ANKHD1: variants seen among roughly 807,000 people sequenced by gnomAD.
ANKHD1 encodes the protein ankyrin repeat and KH domain-containing protein 1.
ANKHD1 carries 31 observed loss-of-function variants against 230.5 expected under a neutral mutation model. The ratio of observed to expected loss-of-function variants is 0.13; its 90% CI spans 0.10 to 0.18. The LOEUF (loss-of-function observed/expected upper bound fraction) is 0.18. Among genes scored for constraint, ANKHD1 ranks in the 10% least tolerant of loss-of-function variants. The pLI is 1.00. For missense variants in ANKHD1, 2,256 were observed against 3,071.3 expected (o/e 0.73, Z 6.27); for synonymous variants, 1,074 against 1,117.6 (o/e 0.96, Z 0.78).
At chr5:140,535,208 G>A (rs1317033087) in intron 29 of ANKHD1, among the ~76,000 whole-genome samples, 154 bp from the exon 30 acceptor site, 1 of 152,288 alleles carries the variant, frequency 6.6e-6, no homozygotes, top group Middle Eastern at 3.4e-3. Flanking sequence ...TAGATGGATT[G>A]TTTTTGCTGT....
In ANKHD1 at chr5:140,508,095, A is replaced by G. The variant is rs1752611581; in HGVS notation, c.3765+97A>G. On this transcript the variant is annotated intron_variant, in intron 20 of 33. Coordinates refer to ENST00000360839, the MANE Select transcript of ANKHD1 (RefSeq NM_017747.3). ...TGAATATAATATTTTAAATTATCAT[A>G]AATTAAAACTGATACCAATGCAGAG... 2.8e-6 allele frequency: 4 copies of G among 1,417,778 alleles called. No individual in the cohort carries two copies. In the Admixed American group the frequency reaches 1.1e-4, roughly 37 times the overall value. 87.8% of individuals were successfully genotyped at this position (1,417,778 alleles called of 1,614,324 possible).
Position 140,528,443 on chromosome 5 carries a change from A to G in ANKHD1, c.5497A>G (p.Lys1833Glu). 6.2e-7 allele frequency: 1 copy of G among 1,614,160 alleles called. No homozygotes were observed. The highest frequency in any genetic ancestry group is 1.1e-5 in the South Asian group (1 of 91,084). ...GTTCCAGCCCGCTAATAAACTTAAT[A>G]AGAATGTTCCAACAAATGTACGTTC... ...STFQPANKLN[K>E]NVPTNVRSSF... The change falls in exon 29 of 34, where the codon AAG (lysine) becomes GAG (glutamate). Residue 1833 changes from lysine to glutamate, a missense_variant. Lys to Glu is a moderately conservative substitution (Grantham distance 56). Transcript: ENST00000360839.
Position 140,402,064 on chromosome 5 carries a change from C to T in ANKHD1, c.97C>T (p.Pro33Ser). ...SAPAGASEPP[P>S]PGGVGLGIRT... ...CCCAGCTGGGGCCTCGGAGCCGCCT[C>T]CGCCGGGAGGGGTCGGTCTGGGGAT... Residue 33 changes from proline (P) to serine (S), a missense_variant, in exon 1 of 34, where the codon CCG (proline) becomes TCG (serine). Around this residue, in one of 13 missense-constraint regions of ANKHD1, gnomAD observed 193 missense variants for 185.8 expected, o/e 1.04. Coordinates refer to ENST00000360839, the MANE Select transcript of ANKHD1 (RefSeq NM_017747.3). 6.7e-7 allele frequency: 1 copy of T among 1,490,946 alleles called. No individual in the cohort carries two copies. The highest frequency in any genetic ancestry group is 8.9e-7 in the Non-Finnish European group (1 of 1,125,060). 92.4% of individuals were successfully genotyped at this position (1,490,946 alleles called of 1,614,324 possible). A position where few individuals can be genotyped will look rare whatever the true frequency, so the allele number is the denominator to read the frequency against.
intron 9 of ANKHD1, among the ~76,000 whole-genome samples, chr5:140,462,164 T>A (rs1775746403): frequency 6.6e-6 from 1 of 152,128 alleles, no homozygotes; most frequent in Admixed American, 6.6e-5. Context: ...TATTCAGGTT[T>A]GATTCTTTTT....
At chr5:140,409,531 T>C (rs1770752018) in intron 1 of ANKHD1, among the ~76,000 whole-genome samples, 1 of 149,244 alleles carries the variant, frequency 6.7e-6, no homozygotes, top group African/African-American at 2.5e-5. Flanking sequence ...AAAAGAATTA[T>C]ATGTTATTAC....
chr5:140,472,947 A>C (rs1470138535), intron 10 of ANKHD1, among the ~76,000 whole-genome samples: 1 of 152,102 alleles, frequency 6.6e-6, no homozygotes, highest in East Asian at 1.9e-4. Flanking sequence ...AGATTTATTT[A>C]AAATCAGGAG....
At chr5:140,517,004 A>G (rs1221214022) in intron 24 of ANKHD1, among the ~76,000 whole-genome samples, 2 of 151,798 alleles carry the variant, frequency 1.3e-5, no homozygotes, top group Non-Finnish European at 2.9e-5. Context: ...CAAATTGGAT[A>G]AAGAGTCAAG....
intron 9 of ANKHD1, among the ~76,000 whole-genome samples, chr5:140,460,141 C>T (rs971761829): frequency 1.3e-5 from 2 of 151,838 alleles, no homozygotes; most frequent in Non-Finnish European, 1.5e-5. Context: ...ATTTCTAAGT[C>T]ATCTGAAAAA....
chr5:140,420,405 C>T (rs896057029), intron 1 of ANKHD1, among the ~76,000 whole-genome samples: 2 of 152,034 alleles, frequency 1.3e-5, no homozygotes, highest in Non-Finnish European at 2.9e-5. Flanking sequence ...TTGCGTAATC[C>T]AAGATGACAA....
intron 1 of ANKHD1, among the ~76,000 whole-genome samples, chr5:140,430,806 A>T (rs1242730369): frequency 6.6e-6 from 1 of 151,820 alleles, no homozygotes; most frequent in Non-Finnish European, 1.5e-5. Context: ...CCACAGGCAC[A>T]TGGCCACCAT....
At chr5:140,538,061 C>T (rs1347469396) in intron 31 of ANKHD1, 25 bp from the exon 32 acceptor site, 4 of 1,579,890 alleles carry the variant, frequency 2.5e-6, no homozygotes, top group Non-Finnish European at 3.4e-6. Flanking sequence ...AAATTTAAAA[C>T]TTTGTTTTCA....
intron 24 of ANKHD1, among the ~76,000 whole-genome samples, chr5:140,515,619 G>C (rs189700626): frequency 1.5e-3 from 225 of 152,310 alleles, no homozygotes; most frequent in Non-Finnish European, 2.6e-3. Flanking sequence ...CTCCTCAAGT[G>C]GGTCCCTGAC....
chr5:140,407,724 TGTG>T (rs942183244), intron 1 of ANKHD1, among the ~76,000 whole-genome samples: 5 of 152,202 alleles, frequency 3.3e-5, no homozygotes, highest in Non-Finnish European at 7.3e-5. Context: ...ATTTTAGAAT[TGTG>T]GTCTTTTAAT....
In ANKHD1 at chr5:140,458,828, A is replaced by T; in HGVS notation, c.1446A>T (p.Gly482=). The stretch of plus-strand genomic sequence containing the variant: ...CCTTGATGGAAGCTGCCCGGGAAGG[A>T]CATGAAGAAATGGTGGCACTACTCT... ...YTPLMEAARE[G]HEEMVALLLA... Residue 482 remains glycine, a synonymous_variant, in exon 8 of 34, where the codon GGA becomes GGT. Transcript: ENST00000360839. 1 of 1,612,788 alleles carries T rather than the reference A, an allele frequency of 6.2e-7. No homozygotes were observed. The highest frequency in any genetic ancestry group is 1.1e-5 in the South Asian group (1 of 91,018).
intron 10 of ANKHD1, among the ~76,000 whole-genome samples, chr5:140,476,290 G>A (rs1750962605): frequency 6.6e-6 from 1 of 152,100 alleles, no homozygotes; most frequent in African/African-American, 2.4e-5. Context: ...CTGAAGGAGA[G>A]GATAGAAATG....
At position 140,512,065 on chromosome 5, in the gene ANKHD1, G is replaced by A. The variant is rs189000756; in HGVS notation, c.4105-763G>A. Among the ~76,000 whole-genome samples the A allele has an allele frequency of 7.9e-5, 12 of 152,006 alleles. No homozygotes were observed. The East Asian group carries it at 9.7e-4, about 12-fold the overall frequency. ...AGCCTGGCCAACATGGTAAATCCCC[G>A]TCTCTACTAAAAATACAAAAATTAG... On this transcript the variant is annotated intron_variant, in intron 22 of 33. Transcript: ENST00000360839.
rs371540806 is a variant in ANKHD1, at chr5:140,509,742, T to G, written c.3871T>G (p.Ser1291Ala). 9.9e-6 allele frequency: 16 copies of G among 1,613,334 alleles called. No homozygotes were observed. Among genetic ancestry groups the G allele is most frequent in the African/African-American group, 1.3e-5 (1 of 74,896 alleles). Residue 1291 changes from serine to alanine, a missense_variant, in exon 21 of 34, where the codon TCA becomes GCA. Ser to Ala is a moderately conservative substitution (Grantham distance 99). Transcript: ENST00000360839. Reference protein sequence around the residue: ...ADVNAPPVPSSRDTALTIAAD... With the variant: ...ADVNAPPVPSARDTALTIAAD... The stretch of plus-strand genomic sequence containing the variant: ...TGTTAATGCTCCCCCTGTGCCTTCC[T>G]CAAGAGATACTGCTTTAACAATAGC...
intron 10 of ANKHD1, among the ~76,000 whole-genome samples, chr5:140,480,309 G>A (rs1561783101): frequency 6.6e-6 from 1 of 152,088 alleles, no homozygotes; most frequent in Non-Finnish European, 1.5e-5. Flanking sequence ...ATGACTTGGT[G>A]TGAGGATATT....
intron 14 of ANKHD1, among the ~76,000 whole-genome samples, chr5:140,489,491 A>T (rs1751673226): frequency 6.7e-6 from 1 of 148,456 alleles, no homozygotes; most frequent in Non-Finnish European, 1.5e-5. Flanking sequence ...ATATAAATAA[A>T]TAAATAAATA....
Sources: gnomAD v4.1 joint callset for allele counts (sites outside exome capture counted in the v4.1 genomes callset) on GRCh38, gnomAD v4.1.1 for gene constraint, gnomAD v4.1.1 regional missense constraint, MANE v1.5 for transcripts, NCBI Gene and HGNC (gene_info 2026-07-23, HGNC 2026-07-21) for gene names.